INPP4B: variants seen among roughly 807,000 people sequenced by gnomAD.
The protein encoded by INPP4B is inositol polyphosphate-4-phosphatase type II B.
INPP4B carries 55 observed loss-of-function variants against 122.5 expected under a neutral mutation model. That is an observed-to-expected ratio of 0.45 (90% CI 0.36 to 0.56). The LOEUF (loss-of-function observed/expected upper bound fraction) is 0.56, where lower values mean the gene tolerates loss of function less well. Ranked by LOEUF, INPP4B falls within the 20% of genes least tolerant of loss-of-function variation. The pLI, the probability that INPP4B is intolerant of heterozygous loss-of-function variation, is 0.00. For missense variants in INPP4B, 1,000 were observed against 1,097.7 expected (o/e 0.91, Z 1.26); for synonymous variants, 403 against 388.7 (o/e 1.04, Z -0.43).
At chr4:142,307,151 G>GT (rs1763698005) in intron 8 of INPP4B, among the ~76,000 whole-genome samples, 5 of 152,168 alleles carry the variant, frequency 3.3e-5, no homozygotes. Context: ...TTTGTGAGCT[G>GT]TATCAGCAAA....
At chr4:142,548,228 T>C (rs1727084085) in intron 2 of INPP4B, among the ~76,000 whole-genome samples, 1 of 152,164 alleles carries the variant, frequency 6.6e-6, no homozygotes, top group South Asian at 2.1e-4. Flanking sequence ...AGAGCAATGT[T>C]TCCAGCATGA....
chr4:142,191,383 A>C (rs1460969445), intron 15 of INPP4B, among the ~76,000 whole-genome samples: 1 of 152,186 alleles, frequency 6.6e-6, no homozygotes, highest in African/African-American at 2.4e-5. Flanking sequence ...GGTGAATACC[A>C]CAAAAATGTC....
upstream of INPP4B, chr4:142,846,311 G>C (rs992805494): frequency 6.6e-6 from 1 of 152,364 alleles, no homozygotes; most frequent in African/African-American, 2.4e-5. The surrounding 1 kb of genome is among the most constrained non-coding windows in gnomAD (Gnocchi z 5.1). Context: ...CGCCCAGGAG[G>C]AGCTGTAACC....
At chr4:142,256,317 A>T (rs1385932469) in intron 11 of INPP4B, among the ~76,000 whole-genome samples, 3 of 152,032 alleles carry the variant, frequency 2.0e-5, no homozygotes, top group East Asian at 1.9e-4. Flanking sequence ...GAGCAAACAC[A>T]TTCAAAAGCT....
At chr4:142,115,202 G>C (rs952625000) in intron 21 of INPP4B, among the ~76,000 whole-genome samples, 2 of 152,178 alleles carry the variant, frequency 1.3e-5, no homozygotes, top group Non-Finnish European at 2.9e-5. Context: ...ACCTGAAAGT[G>C]ACAGGGACAA....
At chr4:142,817,647 A>C (rs1247980227) in intron 1 of INPP4B, among the ~76,000 whole-genome samples, 1 of 152,124 alleles carries the variant, frequency 6.6e-6, no homozygotes, top group Non-Finnish European at 1.5e-5. Context: ...CAGCCCACAT[A>C]AACCACAAAC....
intron 19 of INPP4B, among the ~76,000 whole-genome samples, chr4:142,123,981 A>G (rs1797652328): frequency 6.6e-6 from 1 of 152,064 alleles, no homozygotes; most frequent in Non-Finnish European, 1.5e-5. Flanking sequence ...TATAAAACTC[A>G]GCCATGAGGA....
At chr4:142,416,879 A>G (rs1481781201) in intron 5 of INPP4B, among the ~76,000 whole-genome samples, 1 of 152,202 alleles carries the variant, frequency 6.6e-6, no homozygotes, top group Non-Finnish European at 1.5e-5. Flanking sequence ...CAGATAAGCT[A>G]AAGCTAGAAA....
At chr4:142,046,528 A>C (rs1435364580) in intron 25 of INPP4B, among the ~76,000 whole-genome samples, 1 of 152,108 alleles carries the variant, frequency 6.6e-6, no homozygotes. Context: ...AACAGCATGA[A>C]CAAAGGTATT....
chr4:142,406,002 C>G (rs1011924867), intron 5 of INPP4B, among the ~76,000 whole-genome samples: 1 of 152,114 alleles, frequency 6.6e-6, no homozygotes, highest in Non-Finnish European at 1.5e-5. Context: ...TACAGACCCT[C>G]GCCACCATAC....
intron 1 of INPP4B, among the ~76,000 whole-genome samples, chr4:142,735,832 T>C (rs1273787513): frequency 6.6e-6 from 1 of 152,110 alleles, no homozygotes; most frequent in Non-Finnish European, 1.5e-5. Flanking sequence ...CATGCATTCG[T>C]TAGAATTTTA....
chr4:142,108,467 G>T (rs936007819), intron 22 of INPP4B, among the ~76,000 whole-genome samples: 3 of 97,852 alleles, frequency 3.1e-5, no homozygotes, highest in Non-Finnish European at 5.2e-5. Flanking sequence ...TCTGTGCATG[G>T]ACATAATTGA....
At chr4:142,046,480 G>C (rs1452677731) in intron 25 of INPP4B, among the ~76,000 whole-genome samples, 2 of 152,058 alleles carry the variant, frequency 1.3e-5, no homozygotes, top group Non-Finnish European at 2.9e-5. Flanking sequence ...ATGTAGTACA[G>C]TTGAAGGAGG....
chr4:142,714,029 G>T (rs1253516991), intron 2 of INPP4B, among the ~76,000 whole-genome samples: 2 of 152,170 alleles, frequency 1.3e-5, no homozygotes, highest in African/African-American at 4.8e-5. Context: ...CTGAGAAAAT[G>T]CTGGATTAAA....
chr4:142,687,428 G>A (rs1759500089), intron 2 of INPP4B, among the ~76,000 whole-genome samples: 1 of 151,952 alleles, frequency 6.6e-6, no homozygotes, highest in African/African-American at 2.4e-5. Context: ...GAAATGCAAA[G>A]CACAAGCTCT....
intron 7 of INPP4B, among the ~76,000 whole-genome samples, chr4:142,338,808 T>C (rs908068861): frequency 2.0e-5 from 3 of 152,214 alleles, no homozygotes; most frequent in Admixed American, 2.0e-4. Flanking sequence ...TTCTACTTGT[T>C]CCTTCAGATC....
chr4:142,369,783 A>G (rs1789109526), intron 7 of INPP4B, among the ~76,000 whole-genome samples: 9 of 151,406 alleles, frequency 5.9e-5, no homozygotes. Flanking sequence ...ATTTAAAAAA[A>G]TAACAGGTGT....
At chr4:142,205,142 A>G (rs1013357415) in intron 14 of INPP4B, among the ~76,000 whole-genome samples, 2 of 152,108 alleles carry the variant, frequency 1.3e-5, no homozygotes, top group Non-Finnish European at 2.9e-5. Context: ...ACCTTGGAAA[A>G]CAGCATAGTA....
chr4:142,790,159 ACATGGG>A (rs1776339285), intron 1 of INPP4B, among the ~76,000 whole-genome samples: 1 of 152,188 alleles, frequency 6.6e-6, no homozygotes, highest in East Asian at 1.9e-4. Flanking sequence ...ACCCTTCTAG[ACATGGG>A]CTTAGGCAAC....
Sources: allele counts gnomAD v4.1 joint callset (sites outside exome capture counted in the v4.1 genomes callset), GRCh38; gene constraint gnomAD v4.1.1; non-coding constraint Gnocchi (gnomAD v3.1); transcripts MANE v1.5; gene names NCBI Gene and HGNC (gene_info 2026-07-23, HGNC 2026-07-21).